Variants in PLD1 observed in about 807,000 individuals in gnomAD.
The protein encoded by PLD1 is phospholipase D1.
Under a neutral mutation model 137.1 loss-of-function variants are expected in PLD1, and 112 were observed. That is an observed-to-expected ratio of 0.82 (90% CI 0.70 to 0.96). The LOEUF (loss-of-function observed/expected upper bound fraction) is 0.96. Among genes scored for constraint, PLD1 ranks in the 40% least tolerant of loss-of-function variants. The probability of loss-of-function intolerance (pLI) is 0.00; values close to 1 mark genes in which losing one functional copy is unlikely to be tolerated. For missense variants in PLD1, 1,321 were observed against 1,342.0 expected (o/e 0.98, Z 0.24); for synonymous variants, 431 against 454.7 (o/e 0.95, Z 0.66).
intron 25 of PLD1, among the ~76,000 whole-genome samples, chr3:171,609,665 C>T (rs995396658): frequency 5.3e-5 from 8 of 152,022 alleles, no homozygotes; most frequent in East Asian, 1.9e-4. Flanking sequence ...TTAAATACTG[C>T]GTGTTCTCAC....
chr3:171,686,412 C>G (rs1195285744), intron 16 of PLD1, among the ~76,000 whole-genome samples: 1 of 152,184 alleles, frequency 6.6e-6, no homozygotes, highest in African/African-American at 2.4e-5. Context: ...ATTCCTCCCT[C>G]CTTCCATAGA....
At chr3:171,764,886 A>AG (rs1397521909) in intron 1 of PLD1, among the ~76,000 whole-genome samples, 4,634 of 26,788 alleles carry the variant, frequency 0.17, 776 homozygotes, top group Admixed American at 0.21. Flanking sequence ...AAAGAAAGAA[A>AG]GAAAGAAAGG....
At chr3:171,707,332 C>T (rs1428037261) in intron 11 of PLD1, among the ~76,000 whole-genome samples, 3 of 152,140 alleles carry the variant, frequency 2.0e-5, no homozygotes, top group Admixed American at 6.5e-5. Context: ...GGTGTTCAGA[C>T]ATAAAGCATG....
intron 1 of PLD1, among the ~76,000 whole-genome samples, chr3:171,754,586 C>T (rs1308753125): frequency 6.6e-6 from 1 of 152,084 alleles, no homozygotes; most frequent in Non-Finnish European, 1.5e-5. Context: ...TATCTGGAAA[C>T]CAGTCTTCTC....
At chr3:171,656,156 T>TTTTATTTATTTATTTATTTATTTA (rs142427730) in intron 21 of PLD1, among the ~76,000 whole-genome samples, 5,600 of 145,376 alleles carry the variant, frequency 0.039, 147 homozygotes, top group South Asian at 0.046. Context: ...AATACTATAA[T>TTTTATTTATTTATTTATTTATTTA]TTTATTTATT....
chr3:171,790,521 T>C (rs1460665861), intron 1 of PLD1, among the ~76,000 whole-genome samples: 1 of 152,186 alleles, frequency 6.6e-6, no homozygotes, highest in Non-Finnish European at 1.5e-5. Context: ...GAAGAGAAGA[T>C]TGTGAGTTAA....
At chr3:171,752,943 C>T (rs936595210) in intron 1 of PLD1, among the ~76,000 whole-genome samples, 1 of 152,176 alleles carries the variant, frequency 6.6e-6, no homozygotes, top group Non-Finnish European at 1.5e-5. Flanking sequence ...GGTCCAACCT[C>T]TTCAATGCAC....
chr3:171,669,278 A>G (rs563373674), intron 19 of PLD1, among the ~76,000 whole-genome samples: 1 of 152,320 alleles, frequency 6.6e-6, no homozygotes, highest in Non-Finnish European at 1.5e-5. Context: ...AATTTTATCT[A>G]TTATTTACTT....
intron 23 of PLD1, among the ~76,000 whole-genome samples, chr3:171,624,902 T>C (rs1030263926): frequency 7.9e-5 from 12 of 152,062 alleles, no homozygotes; most frequent in African/African-American, 1.7e-4. Flanking sequence ...ACTGATGAAA[T>C]TGGTTACCAA....
At chr3:171,681,481 T>C (rs554258845) in intron 16 of PLD1, among the ~76,000 whole-genome samples, 60 of 152,250 alleles carry the variant, frequency 3.9e-4, no homozygotes, top group Non-Finnish European at 7.2e-4. Flanking sequence ...TCTTAAGATG[T>C]AGTATCTACC....
chr3:171,634,832 A>C (rs1194262154), intron 23 of PLD1, among the ~76,000 whole-genome samples: 1 of 152,108 alleles, frequency 6.6e-6, no homozygotes, highest in African/African-American at 2.4e-5. Context: ...ATGTTTTATA[A>C]GTAGTACATT....
chr3:171,804,897 A>G (rs1182548267), intron 1 of PLD1, among the ~76,000 whole-genome samples: 2 of 152,178 alleles, frequency 1.3e-5, no homozygotes, highest in African/African-American at 4.8e-5. Flanking sequence ...CCTGCTTCCT[A>G]TCTGTGGCCC....
rs534080251 is a variant in PLD1 at position 171,652,875 on chromosome 3, A to G, written c.2429+6338T>C. Among the ~76,000 whole-genome samples, 3 of 143,562 alleles carry G rather than the reference A, an allele frequency of 2.1e-5. No homozygotes were observed. In the South Asian group the frequency reaches 6.6e-4, roughly 31 times the overall value. 94.2% of individuals were successfully genotyped at this position (143,562 alleles called of 152,430 possible). ...AGTGATCTTCCTGCCTCGGCCTCCC[A>G]AAGTGCTAGAATCAAAGGCATAAGC... On this transcript the variant is annotated intron_variant, in intron 21 of 26. Transcript: ENST00000351298.
rs1731766988 is a variant in PLD1, at chr3:171,600,451, G to A, written c.*2627C>T. 1 of 152,158 alleles carries A rather than the reference G, an allele frequency of 6.6e-6. No homozygotes were observed. The highest frequency in any genetic ancestry group is 2.4e-5 in the African/African-American group (1 of 41,426). The allele number at this position is 152,158 out of a possible 1,614,324, so 9.4% of individuals were successfully genotyped here. The stretch of plus-strand genomic sequence containing the variant: ...CATTTCAAAATAGTCACTTTGAAAT[G>A]TTGAGCAGATTCATGATAGATTTTC... On this transcript the variant is annotated 3_prime_UTR_variant, in exon 27 of 27. Coordinates refer to ENST00000351298, the MANE Select transcript of PLD1 (RefSeq NM_002662.5).
intron 16 of PLD1, among the ~76,000 whole-genome samples, chr3:171,685,461 C>A (rs1714451363): frequency 6.6e-6 from 1 of 152,246 alleles, no homozygotes; most frequent in African/African-American, 2.4e-5. Context: ...ATTATGGGCA[C>A]TGGGAGGATG....
chr3:171,727,747 G>C (rs1718642476), intron 6 of PLD1, among the ~76,000 whole-genome samples: 1 of 151,978 alleles, frequency 6.6e-6, no homozygotes, highest in African/African-American at 2.4e-5. Context: ...ATTTGATCTA[G>C]GTTTGTAAAT....
chr3:171,702,415 A>G (rs1351550799), intron 11 of PLD1, among the ~76,000 whole-genome samples: 4 of 151,750 alleles, frequency 2.6e-5, no homozygotes, highest in Non-Finnish European at 4.4e-5. Flanking sequence ...TTGAACCTAG[A>G]AGGTTGAAGC....
intron 23 of PLD1, among the ~76,000 whole-genome samples, chr3:171,621,325 C>T (rs536934177): frequency 2.6e-5 from 4 of 152,216 alleles, no homozygotes; most frequent in East Asian, 1.9e-4. Context: ...TGGTCTTTCT[C>T]CCACACAGCA....
At position 171,601,545 on chromosome 3, in the gene PLD1, A is replaced by T. The variant is rs1731830476; in HGVS notation, c.*1533T>A. ...TTACAAAATCTCACCTTATTTGTGA[A>T]ATGTTCCCTAGCTATGAGATCCTGC... On this transcript the variant is annotated 3_prime_UTR_variant, in exon 27 of 27. Coordinates refer to ENST00000351298, the MANE Select transcript of PLD1 (RefSeq NM_002662.5). 1 of 146,770 alleles carries T rather than the reference A, an allele frequency of 6.8e-6. No individual in the cohort carries two copies. The highest frequency in any genetic ancestry group is 2.1e-4 in the South Asian group (1 of 4,822). The allele number at this position is 146,770 out of a possible 1,614,324, so 9.1% of individuals were successfully genotyped here.
Sources: gnomAD v4.1 joint callset for allele counts (sites outside exome capture counted in the v4.1 genomes callset) on GRCh38, gnomAD v4.1.1 for gene constraint, MANE v1.5 for transcripts, NCBI Gene and HGNC (gene_info 2026-07-23, HGNC 2026-07-21) for gene names.